Variants in ASIC2 observed in about 807,000 individuals in gnomAD.
ASIC2 encodes the protein acid sensing ion channel subunit 2.
In ASIC2, 25 loss-of-function variants were observed where a neutral mutation model predicts 57.3. That is an observed-to-expected ratio of 0.44 (90% CI 0.32 to 0.61). The LOEUF (loss-of-function observed/expected upper bound fraction) is 0.61. Ranked by LOEUF, ASIC2 falls within the 20% of genes least tolerant of loss-of-function variation. The pLI is 0.06. For synonymous variants in ASIC2, 319 were observed against 307.5 expected (o/e 1.04, Z -0.39); for missense variants, 641 against 738.1 (o/e 0.87, Z 1.52).
intron 1 of ASIC2, among the ~76,000 whole-genome samples, chr17:33,910,950 A>T (rs1266163787): frequency 1.3e-5 from 2 of 152,208 alleles, no homozygotes; most frequent in Non-Finnish European, 2.9e-5. Context: ...GAAAAGCCAA[A>T]GGGAGTTGAG....
intron 1 of ASIC2, among the ~76,000 whole-genome samples, chr17:33,884,727 C>G (rs562757294): frequency 6.6e-6 from 1 of 151,930 alleles, no homozygotes; most frequent in East Asian, 1.9e-4. Context: ...CATCCCCACA[C>G]CCCCTAAGCT....
chr17:33,954,254 A>G (rs1904666850), intron 1 of ASIC2, among the ~76,000 whole-genome samples: 1 of 152,058 alleles, frequency 6.6e-6, no homozygotes, highest in African/African-American at 2.4e-5. Context: ...TGAGATGGGG[A>G]GGAGTGTGTT....
chr17:33,397,974 T>C (rs1032287612), intron 1 of ASIC2, among the ~76,000 whole-genome samples: 1 of 152,214 alleles, frequency 6.6e-6, no homozygotes, highest in African/African-American at 2.4e-5. Context: ...AGGATCATAG[T>C]GGAAAAAAAA....
intron 1 of ASIC2, among the ~76,000 whole-genome samples, chr17:34,144,115 C>G (rs1233002419): frequency 6.6e-6 from 1 of 152,148 alleles, no homozygotes. Context: ...TTCCACTTTT[C>G]TAAACCTCAG....
At chr17:33,771,004 A>C (rs12602135) in intron 1 of ASIC2, among the ~76,000 whole-genome samples, 12,088 of 152,214 alleles carry the variant, frequency 0.079, 558 homozygotes, top group East Asian at 0.22. Context: ...GCTAAAGGGG[A>C]CAGTGGGGAT....
At chr17:33,524,599 A>T (rs1470209376) in intron 1 of ASIC2, among the ~76,000 whole-genome samples, 1 of 152,134 alleles carries the variant, frequency 6.6e-6, no homozygotes, top group East Asian at 1.9e-4. Context: ...GTATATGCAT[A>T]TGGCTAACGA....
chr17:33,241,361 G>A (rs1908501402), intron 1 of ASIC2, among the ~76,000 whole-genome samples: 1 of 152,222 alleles, frequency 6.6e-6, no homozygotes, highest in African/African-American at 2.4e-5. Flanking sequence ...CATTCACGTG[G>A]TGGGAGTTCC....
intron 1 of ASIC2, among the ~76,000 whole-genome samples, chr17:33,898,297 G>A (rs183457827): frequency 1.7e-3 from 230 of 136,854 alleles, no homozygotes; most frequent in Non-Finnish European, 2.6e-3. Flanking sequence ...GTGCAGTGGC[G>A]GGATCTTGGC....
At chr17:33,163,868 G>A (rs1001874136) in intron 1 of ASIC2, among the ~76,000 whole-genome samples, 4 of 152,140 alleles carry the variant, frequency 2.6e-5, no homozygotes, top group Non-Finnish European at 4.4e-5. Flanking sequence ...CTGAGAAGCC[G>A]GCATTTGAGT....
chr17:34,038,016 A>C, intron 1 of ASIC2: 2 of 1,613,438 alleles, frequency 1.2e-6, no homozygotes, highest in Non-Finnish European at 1.7e-6. Flanking sequence ...GGTAAATACC[A>C]ATAAGTACCA....
chr17:33,078,831 C>T (rs2092100336), intron 3 of ASIC2, among the ~76,000 whole-genome samples: 1 of 152,214 alleles, frequency 6.6e-6, no homozygotes, highest in Admixed American at 6.5e-5. Flanking sequence ...CCACTGGTAA[C>T]CTAACACCTA....
rs542829883 is a variant in ASIC2 at position 33,893,382 on chromosome 17, C to T, written c.555+262596G>A. ...ACCTGTCTCTGGCTTGCTGTGTGAT[C>T]TCAGATGAGTTACTTCCCCTCTCTG... On this transcript the variant is annotated intron_variant, in intron 1 of 9. Transcript: ENST00000359872. 1.2e-4 allele frequency among the ~76,000 whole-genome samples: 19 copies of T among 152,300 alleles called. No homozygotes were observed. The South Asian group carries it at 3.9e-3, about 32-fold the overall frequency.
rs138665334 is a variant in ASIC2 at position 34,062,482 on chromosome 17, C to T, written c.555+93496G>A. Reference sequence around the variant, plus strand: ...AGGAACTAGAGAAAGAAGAACAAACCAAACCCAAATCCAGTAGAAGAAAGT... The same window carrying T: ...AGGAACTAGAGAAAGAAGAACAAACTAAACCCAAATCCAGTAGAAGAAAGT... On this transcript the variant is annotated intron_variant, in intron 1 of 9. Coordinates refer to the ASIC2 transcript ENST00000359872. 6.6e-5 allele frequency among the ~76,000 whole-genome samples: 10 copies of T among 152,010 alleles called. No homozygotes were observed. The East Asian group carries it at 1.9e-3, about 29-fold the overall frequency.
intron 1 of ASIC2, among the ~76,000 whole-genome samples, chr17:33,345,956 T>G (rs1907925600): frequency 6.6e-6 from 1 of 151,966 alleles, no homozygotes; most frequent in Non-Finnish European, 1.5e-5. Context: ...CCAGGCGTGG[T>G]GGCTAAACAC....
rs559169543 is a variant in ASIC2 at position 33,455,494 on chromosome 17, A to C, written c.556-343427T>G. On this transcript the variant is annotated intron_variant, in intron 1 of 9. Coordinates refer to the ASIC2 transcript ENST00000359872. ...ACCTGGGATAATAACCTCCAGCTGC[A>C]TCCACGTTGCTGCAAAGGACATGAT... Among the ~76,000 whole-genome samples the C allele has an allele frequency of 1.8e-3, 280 of 152,326 alleles. 2 individuals are homozygous for C. The highest frequency in any genetic ancestry group is 6.5e-3 in the African/African-American group (270 of 41,578).
rs1197574599 is a variant in ASIC2 at position 33,292,054 on chromosome 17, C to T, written c.62G>A (p.Arg21His). 2 of 1,118,354 alleles carry T rather than the reference C, an allele frequency of 1.8e-6. No individual in the cohort carries two copies. The highest frequency in any genetic ancestry group is 2.2e-6 in the Non-Finnish European group (2 of 919,742). 69.3% of individuals were successfully genotyped at this position (1,118,354 alleles called of 1,614,324 possible). A position where few individuals can be genotyped will look rare whatever the true frequency, so the allele number is the denominator to read the frequency against. Residue 21 changes from arginine (R) to histidine (H), a missense_variant, in exon 1 of 10, where the codon CGC becomes CAC. Transcript: ENST00000225823. ...AAALTGPGRF[R>H]MAREEPAPAA... ...GGGCGCCGGCTCCTCGCGGGCCATG[C>T]GGAAGCGTCCCGGGCCGGTGAGCGC...
intron 1 of ASIC2, among the ~76,000 whole-genome samples, chr17:33,442,519 T>C (rs185771324): frequency 1.3e-4 from 20 of 152,338 alleles, no homozygotes; most frequent in African/African-American, 4.6e-4. Context: ...CTCTTTTTGA[T>C]GACATCATAA....
intron 8 of ASIC2, among the ~76,000 whole-genome samples, chr17:33,016,522 C>A (rs974841513): frequency 6.6e-6 from 1 of 152,118 alleles, no homozygotes; most frequent in African/African-American, 2.4e-5. Flanking sequence ...AATCTGTTAC[C>A]TGGTGTGATT....
chr17:34,149,079 T>C (rs1904409441), intron 1 of ASIC2, among the ~76,000 whole-genome samples: 1 of 151,832 alleles, frequency 6.6e-6, no homozygotes, highest in Admixed American at 6.6e-5. Context: ...GATTTTTCTT[T>C]TCTTTCTTTT....
Sources: allele counts gnomAD v4.1 joint callset (sites outside exome capture counted in the v4.1 genomes callset), GRCh38; gene constraint gnomAD v4.1.1; transcripts MANE v1.5; gene names NCBI Gene and HGNC (gene_info 2026-07-23, HGNC 2026-07-21).